Variants in WDR70 observed in about 807,000 individuals in gnomAD.
WDR70 encodes WD repeat domain 70.
WDR70 carries 53 observed loss-of-function variants against 88.6 expected under a neutral mutation model. That is an observed-to-expected ratio of 0.60 (90% CI 0.48 to 0.75). WDR70 has a LOEUF of 0.75. Among genes scored for constraint, WDR70 ranks in the 30% least tolerant of loss-of-function variants. The pLI is 0.00. For synonymous variants in WDR70, 280 were observed against 270.0 expected (o/e 1.04, Z -0.36); for missense variants, 610 against 823.2 (o/e 0.74, Z 3.17).
At chr5:37,496,688 G>A (rs10473048) in intron 8 of WDR70, among the ~76,000 whole-genome samples, 5,295 of 152,292 alleles carry the variant, frequency 0.035, 318 homozygotes, top group African/African-American at 0.12. Flanking sequence ...TCTGGGGTCT[G>A]CCTTTAAGAC....
intron 10 of WDR70, among the ~76,000 whole-genome samples, chr5:37,621,524 A>G (rs770762135): frequency 6.6e-6 from 1 of 152,080 alleles, no homozygotes; most frequent in Non-Finnish European, 1.5e-5. Flanking sequence ...CATAAATGTC[A>G]TCTTTTGAGA....
At chr5:37,455,746 A>T (rs1225010934) in intron 7 of WDR70, among the ~76,000 whole-genome samples, 1 of 141,408 alleles carries the variant, frequency 7.1e-6, no homozygotes, top group Admixed American at 8.0e-5. Context: ...TTATTCAGGT[A>T]TAATTTACAT....
intron 10 of WDR70, among the ~76,000 whole-genome samples, chr5:37,691,780 C>G (rs1357343133): frequency 1.3e-5 from 2 of 152,094 alleles, no homozygotes; most frequent in Non-Finnish European, 2.9e-5. Context: ...AATTGACACC[C>G]TAACATCACA....
chr5:37,719,212 C>T (rs1399562208), intron 13 of WDR70, among the ~76,000 whole-genome samples: 1 of 152,086 alleles, frequency 6.6e-6, no homozygotes, highest in Non-Finnish European at 1.5e-5. Flanking sequence ...CTAGAAGCTG[C>T]ACTTTGTAGA....
chr5:37,658,719 C>T (rs1456584225), intron 10 of WDR70, among the ~76,000 whole-genome samples: 1 of 152,094 alleles, frequency 6.6e-6, no homozygotes, highest in Non-Finnish European at 1.5e-5. Flanking sequence ...GGTGCTCCAA[C>T]CGTTAAGAGA....
intron 9 of WDR70, among the ~76,000 whole-genome samples, chr5:37,579,112 T>G (rs946843364): frequency 2.0e-5 from 3 of 152,200 alleles, no homozygotes; most frequent in Admixed American, 1.3e-4. Context: ...TTCAGAAGGT[T>G]GTGGATTTTT....
At chr5:37,749,984 T>C (rs1748757736) in intron 17 of WDR70, among the ~76,000 whole-genome samples, 1 of 152,230 alleles carries the variant, frequency 6.6e-6, no homozygotes, top group Admixed American at 6.5e-5. Context: ...GTTTTGTTTT[T>C]AGTTTCTTTA....
intron 5 of WDR70, among the ~76,000 whole-genome samples, 185 bp from the exon 6 acceptor site, chr5:37,437,737 C>G (rs537266292): frequency 6.6e-6 from 1 of 151,814 alleles, no homozygotes; most frequent in African/African-American, 2.4e-5. Flanking sequence ...CATCAGAGAC[C>G]CATTGTAGTG....
At chr5:37,601,172 G>A (rs755207657) in intron 9 of WDR70, among the ~76,000 whole-genome samples, 4 of 152,098 alleles carry the variant, frequency 2.6e-5, no homozygotes, top group Non-Finnish European at 5.9e-5. Context: ...ATCATATATG[G>A]CCTTTAATAA....
chr5:37,688,597 G>A (rs973835063), intron 10 of WDR70, among the ~76,000 whole-genome samples: 8 of 151,758 alleles, frequency 5.3e-5, no homozygotes, highest in Non-Finnish European at 2.9e-5. Flanking sequence ...ATATAAGGAA[G>A]TGGCAAATTT....
chr5:37,433,338 G>A (rs191490011), intron 5 of WDR70, among the ~76,000 whole-genome samples: 7 of 152,286 alleles, frequency 4.6e-5, no homozygotes. Flanking sequence ...TGGGATTACA[G>A]GCATGAGCCA....
intron 9 of WDR70, among the ~76,000 whole-genome samples, chr5:37,522,142 A>T (rs188315434): frequency 2.0e-4 from 31 of 152,056 alleles, no homozygotes; most frequent in African/African-American, 7.2e-4. Context: ...GCATTTTTCC[A>T]TATGCTTTTT....
intron 16 of WDR70, among the ~76,000 whole-genome samples, chr5:37,725,963 T>C (rs1013022601): frequency 2.6e-5 from 4 of 152,182 alleles, no homozygotes; most frequent in African/African-American, 4.8e-5. Context: ...CTTACTTCTT[T>C]CCTGCTCTGA....
chr5:37,525,642 G>C (rs1420441987), intron 9 of WDR70, among the ~76,000 whole-genome samples: 1 of 152,148 alleles, frequency 6.6e-6, no homozygotes, highest in African/African-American at 2.4e-5. Context: ...GAGCAGAACT[G>C]AAGGAAATAG....
intron 5 of WDR70, among the ~76,000 whole-genome samples, chr5:37,406,995 T>C (rs1749373961): frequency 6.6e-6 from 1 of 152,190 alleles, no homozygotes; most frequent in Admixed American, 6.6e-5. Flanking sequence ...AACTGTTAGA[T>C]TCATTTAATA....
intron 7 of WDR70, among the ~76,000 whole-genome samples, chr5:37,454,091 T>C (rs4308503): frequency 0.4 from 61,493 of 152,108 alleles, 15,074 homozygotes; most frequent in Non-Finnish European, 0.54. Context: ...ATATTTTTTT[T>C]TCAGTAGTTT....
intron 9 of WDR70, among the ~76,000 whole-genome samples, chr5:37,542,368 C>T (rs1054180591): frequency 2.0e-5 from 3 of 151,714 alleles, no homozygotes; most frequent in Non-Finnish European, 4.4e-5. Flanking sequence ...CAACCTCCAC[C>T]TCCCGGGTTC....
intron 10 of WDR70, among the ~76,000 whole-genome samples, chr5:37,688,900 C>T (rs111336718): frequency 0.022 from 3,293 of 152,118 alleles, 116 homozygotes; most frequent in African/African-American, 0.074. Context: ...ACCTGGGAAG[C>T]GCAAGGGGTC....
At chr5:37,400,018 C>T (rs566026702) in intron 5 of WDR70, among the ~76,000 whole-genome samples, 20 of 152,206 alleles carry the variant, frequency 1.3e-4, no homozygotes, top group African/African-American at 4.1e-4. Flanking sequence ...CTGCAACCTC[C>T]GTCTCCCGGG....
Sources: gnomAD v4.1 joint callset for allele counts (sites outside exome capture counted in the v4.1 genomes callset) on GRCh38, gnomAD v4.1.1 for gene constraint, MANE v1.5 for transcripts, NCBI Gene and HGNC (gene_info 2026-07-23, HGNC 2026-07-21) for gene names.